Variants in RIC3 observed in about 807,000 individuals in gnomAD.
The protein encoded by RIC3 is protein RIC-3.
Under a neutral mutation model 27.3 loss-of-function variants are expected in RIC3, and 28 were observed. The observed-to-expected ratio is 1.02, with a 90% CI of 0.76 to 1.41. The LOEUF (loss-of-function observed/expected upper bound fraction) is 1.41. Ranked by LOEUF, RIC3 falls within the 40% of genes most tolerant of loss-of-function variation. RIC3 has a pLI of 0.00. For missense variants in RIC3, 501 were observed against 444.7 expected, an observed-to-expected ratio of 1.13 and a Z score of -1.14; for synonymous variants, 184 against 160.4, an observed-to-expected ratio of 1.15 and a Z score of -1.11.
chr11:8,146,231 G>C lies in RIC3; in HGVS notation c.125-6038C>G, dbSNP rs983202192. ...ACATAGCTTTGGAAACCACACTTTA[G>C]ACATACCTACAGCAACATGAATACA... On this transcript the variant is annotated intron_variant, in intron 1 of 5. Transcript: ENST00000309737. Among the ~76,000 whole-genome samples the C allele has an allele frequency of 5.9e-5, 9 of 152,156 alleles. No homozygotes were observed. In the East Asian group the frequency reaches 1.5e-3, roughly 26 times the overall value.
chr11:8,131,607 A>G (rs190205826), intron 4 of RIC3, among the ~76,000 whole-genome samples: 11 of 150,348 alleles, frequency 7.3e-5, no homozygotes, highest in Admixed American at 2.2e-4. Flanking sequence ...TGCTTAATCA[A>G]AAGTGAATAG....
chr11:8,118,999 G>GA (rs1393952104), intron 5 of RIC3, among the ~76,000 whole-genome samples: 1 of 151,902 alleles, frequency 6.6e-6, no homozygotes, highest in South Asian at 2.1e-4. Flanking sequence ...AAATTATGAG[G>GA]AAAAAAGATA....
At chr11:8,156,780 T>G (rs772287901) in intron 1 of RIC3, among the ~76,000 whole-genome samples, 1 of 152,196 alleles carries the variant, frequency 6.6e-6, no homozygotes, top group Admixed American at 6.5e-5. Flanking sequence ...TTTCTCATGC[T>G]ATTCCCCATG....
At chr11:8,149,487 C>T (rs566909857) in intron 1 of RIC3, among the ~76,000 whole-genome samples, 3 of 152,054 alleles carry the variant, frequency 2.0e-5, no homozygotes, top group Non-Finnish European at 4.4e-5. Context: ...GAGAAGGGTA[C>T]TTGATGGGGA....
At chr11:8,167,817 G>C (rs11825474) in intron 1 of RIC3, among the ~76,000 whole-genome samples, 12,166 of 152,048 alleles carry the variant, frequency 0.08, 565 homozygotes, top group South Asian at 0.11. Flanking sequence ...TTAGAAGTCC[G>C]TCCCAAGTGG....
Position 8,137,453 on chromosome 11 carries a change from T to C in RIC3, c.446A>G (p.Gln149Arg). 6.2e-7 allele frequency: 1 copy of C among 1,614,030 alleles called. No homozygotes were observed. Among genetic ancestry groups the C allele is most frequent in the Non-Finnish European group, 8.5e-7 (1 of 1,180,026 alleles). ...TGTCTCCTTCAGTTTTTCTTGCAGTTGAGCAAGCTCAAAACTGGCTAAAAA... is the reference window on the plus strand; with the variant it reads ...TGTCTCCTTCAGTTTTTCTTGCAGTCGAGCAAGCTCAAAACTGGCTAAAAA... ...HRKITSFELA[Q>R]LQEKLKETEA... The change falls in exon 4 of 6, where the codon CAA (glutamine) becomes CGA (arginine). Residue 149 changes from glutamine (Q) to arginine (R), a missense_variant. Transcript: ENST00000309737.
At chr11:8,145,106 AC>A (rs1191348227) in intron 1 of RIC3, among the ~76,000 whole-genome samples, 2 of 147,640 alleles carry the variant, frequency 1.4e-5, no homozygotes, top group African/African-American at 5.0e-5. Context: ...GGTGCAGCGC[AC>A]CAGCATGGCA....
In RIC3 at chr11:8,140,042, TCCAC is replaced by T; in HGVS notation, c.272_275del (p.Ser91LysfsTer4). 2 of 1,614,104 alleles carry T rather than the reference TCCAC, an allele frequency of 1.2e-6. No individual in the cohort carries two copies. Among genetic ancestry groups the T allele is most frequent in the Non-Finnish European group, 1.7e-6 (2 of 1,180,016 alleles). On this transcript the variant is annotated frameshift_variant, in exon 2 of 6. Transcript: ENST00000309737. LOFTEE classifies it high-confidence loss of function. ...GAATAATCTGCCCCATCAGACCTCTTCCACTACCTCCTCCTCCAGCACCTCCACC... is the reference window on the plus strand; with the variant it reads ...GAATAATCTGCCCCATCAGACCTCTTTACCTCCTCCTCCAGCACCTCCACC...
At chr11:8,152,453 A>G (rs902230445) in intron 1 of RIC3, among the ~76,000 whole-genome samples, 1 of 152,256 alleles carries the variant, frequency 6.6e-6, no homozygotes, top group Non-Finnish European at 1.5e-5. Flanking sequence ...ATAAGTGAAT[A>G]CAGCCAGTCA....
rs1386626831 is a variant in RIC3 at position 8,107,974 on chromosome 11, T to C, written c.*2724A>G. The C allele has an allele frequency of 6.6e-6, 1 of 152,196 alleles. No homozygotes were observed. Among genetic ancestry groups the C allele is most frequent in the Non-Finnish European group, 1.5e-5 (1 of 68,032 alleles). The allele number at this position is 152,196 out of a possible 1,614,324, so 9.4% of individuals were successfully genotyped here. On this transcript the variant is annotated 3_prime_UTR_variant, in exon 6 of 6. Transcript: ENST00000309737. ...TGTCATCCTGGGTTGTATATACACATATAACTGTCATCCCCGAAGGATAAA... is the reference window on the plus strand; with the variant it reads ...TGTCATCCTGGGTTGTATATACACACATAACTGTCATCCCCGAAGGATAAA...
At chr11:8,099,140 TAGAC>T in the RIC3 span, among the ~76,000 whole-genome samples, 2 of 152,054 alleles carry the variant, frequency 1.3e-5, no homozygotes, top group Non-Finnish European at 2.9e-5. Flanking sequence ...AGGAGTCTCT[TAGAC>T]AGAAGGAGAC....
Position 8,110,340 on chromosome 11 carries a change from C to T in RIC3, c.*358G>A, listed in dbSNP as rs1945099931. The stretch of plus-strand genomic sequence containing the variant: ...TCCTCATCATCTGTAAGCTGATGTT[C>T]GTTCACAGGTGAACTATCTGTTACA... On this transcript the variant is annotated 3_prime_UTR_variant, in exon 6 of 6. Coordinates refer to ENST00000309737, the MANE Select transcript of RIC3 (RefSeq NM_001206671.4). The T allele has an allele frequency of 5.4e-6, 2 of 369,648 alleles. No homozygotes were observed. Among genetic ancestry groups the T allele is most frequent in the South Asian group, 4.7e-5 (2 of 42,454 alleles). 22.9% of individuals were successfully genotyped at this position (369,648 alleles called of 1,614,324 possible). A position where few individuals can be genotyped will look rare whatever the true frequency, so the allele number is the denominator to read the frequency against.
At position 8,168,975 on chromosome 11, in the gene RIC3, T is replaced by A. The variant is rs977572469; in HGVS notation, c.15A>T (p.Thr5=). 6.3e-7 allele frequency: 1 copy of A among 1,599,316 alleles called. No individual in the cohort carries two copies. The highest frequency in any genetic ancestry group is 1.7e-5 in the Admixed American group (1 of 57,782). ...CAGAAGCCAGAGCGACTCTCTGCACTGTGGAGTACGCCATGACTGCTCACG... is the reference window on the plus strand; with the variant it reads ...CAGAAGCCAGAGCGACTCTCTGCACAGTGGAGTACGCCATGACTGCTCACG... MAYS[T]VQRVALASGL... The change falls in exon 1 of 6, where the codon ACA becomes ACT. Residue 5 remains threonine (T), a synonymous_variant. Transcript: ENST00000309737.
intron 4 of RIC3, among the ~76,000 whole-genome samples, chr11:8,136,314 G>A (rs1478932382): frequency 1.3e-5 from 2 of 152,100 alleles, no homozygotes; most frequent in Non-Finnish European, 2.9e-5. Context: ...GATTTCCTGG[G>A]GCAAAAACTA....
chr11:8,100,568 G>A, the RIC3 span: 3 of 1,614,116 alleles, frequency 1.9e-6, no homozygotes, highest in Non-Finnish European at 2.5e-6. Flanking sequence ...GCATGAACAT[G>A]GTTCATGAGA....
At chr11:8,158,555 G>A (rs1042825682) in intron 1 of RIC3, among the ~76,000 whole-genome samples, 1 of 151,504 alleles carries the variant, frequency 6.6e-6, no homozygotes, top group Non-Finnish European at 1.5e-5. Context: ...GACCAAGTGT[G>A]CTGACATTTT....
In RIC3 at chr11:8,107,290, T is replaced by A. The variant is rs1271582789; in HGVS notation, c.*3408A>T. 6.6e-6 allele frequency: 1 copy of A among 152,222 alleles called. No individual in the cohort carries two copies. The highest frequency in any genetic ancestry group is 1.5e-5 in the Non-Finnish European group (1 of 68,040). 9.4% of individuals were successfully genotyped at this position (152,222 alleles called of 1,614,324 possible). A position where few individuals can be genotyped will look rare whatever the true frequency, so the allele number is the denominator to read the frequency against. On this transcript the variant is annotated 3_prime_UTR_variant, in exon 6 of 6. Transcript: ENST00000309737. ...TGTGGTAATAATTCGGGTTTGTTTA[T>A]TCCCCCAGATCTAGAGTTCTGATGT... is the stretch of plus-strand genomic sequence containing the variant.
At chr11:8,120,268 T>C (rs536073552) in intron 5 of RIC3, among the ~76,000 whole-genome samples, 100 of 152,272 alleles carry the variant, frequency 6.6e-4, no homozygotes, top group African/African-American at 2.2e-3. Flanking sequence ...CTATTCACAA[T>C]AGCAAAGACT....
Position 8,106,251 on chromosome 11 carries a change from G to GTAC in RIC3, c.*4444_*4446dup, listed in dbSNP as rs1395947575. 1.3e-5 allele frequency: 2 copies of GTAC among 152,068 alleles called. No individual in the cohort carries two copies. Among genetic ancestry groups the GTAC allele is most frequent in the African/African-American group, 4.8e-5 (2 of 41,402 alleles). 9.4% of individuals were successfully genotyped at this position (152,068 alleles called of 1,614,324 possible). A position where few individuals can be genotyped will look rare whatever the true frequency, so the allele number is the denominator to read the frequency against. ...ACTTGAATCGTTTCAACACTTCTGTGTACTTTTTTCATAAAGGGGAAAAAA... is the reference window on the plus strand; with the variant it reads ...ACTTGAATCGTTTCAACACTTCTGTGTACTACTTTTTTCATAAAGGGGAAAAAA... On this transcript the variant is annotated 3_prime_UTR_variant, in exon 6 of 6. Transcript: ENST00000309737.
Sources: gnomAD v4.1 joint callset for allele counts (sites outside exome capture counted in the v4.1 genomes callset) on GRCh38, gnomAD v4.1.1 for gene constraint, MANE v1.5 for transcripts, NCBI Gene and HGNC (gene_info 2026-07-23, HGNC 2026-07-21) for gene names.